AHI1: variants seen among roughly 807,000 people sequenced by gnomAD.
The protein encoded by AHI1 is jouberin.
Under a neutral mutation model 149.3 loss-of-function variants are expected in AHI1, and 123 were observed. The observed-to-expected ratio is 0.82, with a 90% confidence interval of 0.71 to 0.96. The LOEUF (loss-of-function observed/expected upper bound fraction) is 0.96. Among genes scored for constraint, AHI1 ranks in the 40% least tolerant of loss-of-function variants. AHI1 has a pLI of 0.00. For synonymous variants in AHI1, 475 were observed against 459.8 expected, an observed-to-expected ratio of 1.03 and a Z score of -0.42; for missense variants, 1,439 against 1,422.7, an observed-to-expected ratio of 1.01 and a Z score of -0.18.
chr6:135,377,089 G>A (rs763196916), intron 23 of AHI1, among the ~76,000 whole-genome samples: 88 of 151,868 alleles, frequency 5.8e-4, no homozygotes, highest in Middle Eastern at 3.4e-3. Context: ...ACACAATTAC[G>A]GAAATCTGAA....
chr6:135,349,658 G>C (rs1791774883), intron 24 of AHI1, among the ~76,000 whole-genome samples: 1 of 152,166 alleles, frequency 6.6e-6, no homozygotes, highest in Non-Finnish European at 1.5e-5. Flanking sequence ...AATTCTAACT[G>C]AATCCTAAGA....
At chr6:135,424,158 G>A in intron 20 of AHI1, among the ~76,000 whole-genome samples, 1 of 151,926 alleles carries the variant, frequency 6.6e-6, no homozygotes, top group East Asian at 1.9e-4. Context: ...TGCTGAAAAG[G>A]AAATTTAGTG....
At position 135,497,650 on chromosome 6, in the gene AHI1, C is replaced by T. The variant is rs1281887951; in HGVS notation, c.-269G>A. 1 of 163,842 alleles carries T rather than the reference C, an allele frequency of 6.1e-6. No individual in the cohort carries two copies. Among genetic ancestry groups the T allele is most frequent in the African/African-American group, 2.4e-5 (1 of 41,524 alleles). 10.1% of individuals were successfully genotyped at this position (163,842 alleles called of 1,614,324 possible). A position where few individuals can be genotyped will look rare whatever the true frequency, so the allele number is the denominator to read the frequency against. ...CCCGGAGCAGTGCAAATCAACTCCC[C>T]CAGCCTAGCGGCGCGTGCGCGAAGT... is the stretch of plus-strand genomic sequence containing the variant. On this transcript the variant is annotated 5_prime_UTR_variant, in exon 1 of 29. Transcript: ENST00000265602.
At chr6:135,328,189 T>G (rs532755960) in intron 24 of AHI1, among the ~76,000 whole-genome samples, 1 of 152,200 alleles carries the variant, frequency 6.6e-6, no homozygotes, top group African/African-American at 2.4e-5. Context: ...TACATCTAGC[T>G]GGTCATGGAA....
chr6:135,295,084 A>T (rs1288787873), intron 27 of AHI1, among the ~76,000 whole-genome samples: 1 of 152,252 alleles, frequency 6.6e-6, no homozygotes, highest in African/African-American at 2.4e-5. Flanking sequence ...TTAATAAAAC[A>T]AATAACCTAT....
chr6:135,308,574 C>A (rs1488966593), intron 26 of AHI1, among the ~76,000 whole-genome samples: 1 of 152,082 alleles, frequency 6.6e-6, no homozygotes, highest in South Asian at 2.1e-4. Flanking sequence ...AAATATGTTA[C>A]CTGATAAAAA....
intron 14 of AHI1, among the ~76,000 whole-genome samples, chr6:135,439,341 T>C (rs1035920205): frequency 6.6e-6 from 1 of 152,246 alleles, no homozygotes; most frequent in African/African-American, 2.4e-5. Context: ...ATGTGAATTA[T>C]CCTGTGTTCA....
Position 135,411,434 on chromosome 6 carries a change from C to T in AHI1, c.2875G>A (p.Gly959Ser), listed in dbSNP as rs749955253. The change falls in exon 21 of 29, where the codon GGC becomes AGC. Residue 959 changes from glycine (G) to serine (S), a missense_variant. Coordinates refer to ENST00000265602, the MANE Select transcript of AHI1 (RefSeq NM_001134831.2). ...ACAAATTCATCAATCTGAAAAGAGC[C>T]TTGATGGGGTAGTTTTGGACAGGTA... ...LCTCPKLPHQ[G>S]SFQIDEFVHT... 2.9e-5 allele frequency: 47 copies of T among 1,613,594 alleles called. No individual in the cohort carries two copies. Among genetic ancestry groups the T allele is most frequent in the Non-Finnish European group, 3.7e-5 (44 of 1,179,748 alleles).
chr6:135,424,374 C>T (rs1042300469), intron 20 of AHI1, among the ~76,000 whole-genome samples: 1 of 151,916 alleles, frequency 6.6e-6, no homozygotes, highest in Non-Finnish European at 1.5e-5. Flanking sequence ...GAACAATATC[C>T]TAGAGACTGA....
chr6:135,468,573 G>C (rs1014250485), intron 5 of AHI1, among the ~76,000 whole-genome samples: 12 of 152,136 alleles, frequency 7.9e-5, no homozygotes, highest in African/African-American at 2.4e-4. Context: ...GCGTGACGGT[G>C]CACACCTGTA....
chr6:135,338,157 C>T (rs956215346), intron 24 of AHI1, among the ~76,000 whole-genome samples: 19 of 151,404 alleles, frequency 1.3e-4, no homozygotes, highest in African/African-American at 3.6e-4. Context: ...AAAAATTAGC[C>T]GGCATGGTGG....
intron 24 of AHI1, among the ~76,000 whole-genome samples, chr6:135,350,546 A>C (rs2128424315): frequency 1.3e-5 from 2 of 152,324 alleles, no homozygotes; most frequent in Admixed American, 1.3e-4. Flanking sequence ...TATGGAACTT[A>C]CATCCAGTTA....
At chr6:135,359,850 C>T (rs1793577153) in intron 23 of AHI1, among the ~76,000 whole-genome samples, 1 of 151,650 alleles carries the variant, frequency 6.6e-6, no homozygotes, top group East Asian at 1.9e-4. Context: ...AAAACCAAAG[C>T]AAACCAGGCA....
chr6:135,457,379 T>G (rs1036326558), intron 9 of AHI1, 115 bp downstream of exon 9: 1 of 712,256 alleles, frequency 1.4e-6, no homozygotes, highest in African/African-American at 1.8e-5. Flanking sequence ...TAGTAGACTA[T>G]TCTCTAATAC....
intron 5 of AHI1, among the ~76,000 whole-genome samples, chr6:135,481,231 G>T (rs143035700): frequency 2.0e-5 from 3 of 152,266 alleles, no homozygotes; most frequent in African/African-American, 7.2e-5. Context: ...CTTAAAACCC[G>T]TAAGAAATAA....
At chr6:135,326,702 AG>A in intron 24 of AHI1, among the ~76,000 whole-genome samples, 1 of 152,048 alleles carries the variant, frequency 6.6e-6, no homozygotes, top group Admixed American at 6.6e-5. Context: ...CTGGGATTAC[AG>A]GCACCCGCCA....
chr6:135,433,228 T>A lies in AHI1; in HGVS notation c.2065A>T (p.Asn689Tyr). 6.2e-7 allele frequency: 1 copy of A among 1,609,000 alleles called. No homozygotes were observed. The highest frequency in any genetic ancestry group is 1.3e-5 in the African/African-American group (1 of 74,924). ...RIWKNEINNT[N>Y]TFRVLPHPSF... ...GGATGAGGTAAAACTCTGAAAGTAT[T>A]TGTATTGTTTATTTCATTTTTCCAT... Residue 689 changes from asparagine to tyrosine, a missense_variant, in exon 16 of 29, where the codon AAT becomes TAT. Physicochemically the swap from Asn to Tyr is moderately radical, Grantham distance 143. Coordinates refer to ENST00000265602, the MANE Select transcript of AHI1 (RefSeq NM_001134831.2).
rs1477697374 is a variant in AHI1, at chr6:135,340,654, CATACATATATATATATATATAT to C, written c.3166-17352_3166-17331del. Among the ~76,000 whole-genome samples, 301 of 58,596 alleles carry C rather than the reference CATACATATATATATATATATAT, an allele frequency of 5.1e-3. 6 individuals carry two copies. Among genetic ancestry groups the C allele is most frequent in the Non-Finnish European group, 8.8e-3 (228 of 26,024 alleles). The allele number at this position is 58,596 out of a possible 152,430, so 38.4% of individuals were successfully genotyped here. A position where few individuals can be genotyped will look rare whatever the true frequency, so the allele number is the denominator to read the frequency against. ...AAAAACCAGTACATATATATACATA[CATACATATATATATATATATAT>C]ATATATATATATATATATATGTTTT... On this transcript the variant is annotated intron_variant, in intron 24 of 28. Transcript: ENST00000265602.
intron 26 of AHI1, among the ~76,000 whole-genome samples, chr6:135,312,303 A>C (rs1164404175): frequency 6.6e-6 from 1 of 152,122 alleles, no homozygotes; most frequent in Non-Finnish European, 1.5e-5. Context: ...ATTTGAGGTC[A>C]GGAGTTCGAG....
Sources: allele counts gnomAD v4.1 joint callset (sites outside exome capture counted in the v4.1 genomes callset), GRCh38; gene constraint gnomAD v4.1.1; transcripts MANE v1.5; gene names NCBI Gene and HGNC (gene_info 2026-07-23, HGNC 2026-07-21).